Variants in ARID3A observed in about 807,000 individuals in gnomAD.
ARID3A encodes AT-rich interaction domain 3A.
ARID3A carries 11 observed loss-of-function variants against 52.7 expected under a neutral mutation model. The observed-to-expected ratio is 0.21, with a 90% CI of 0.13 to 0.35. The LOEUF (loss-of-function observed/expected upper bound fraction) is 0.35. ARID3A is among the 10% of genes least tolerant of loss of function. ARID3A has a pLI of 1.00. For missense variants in ARID3A, 721 were observed against 838.5 expected (o/e 0.86, Z 1.73); for synonymous variants, 404 against 359.4 (o/e 1.12, Z -1.40).
Position 929,027 on chromosome 19 carries a change from G to T in ARID3A, c.-267-235G>T, listed in dbSNP as rs577103752. ...AAGCAATAATCCAAGATCTCCTGGG[G>T]CAGACAGTCTGGCCACAGCGTGTTT... On this transcript the variant is annotated intron_variant, in intron 1 of 8. Transcript: ENST00000263620. The surrounding 1 kb of genome is among the most constrained non-coding windows in gnomAD (Gnocchi z 6.2). The T allele has an allele frequency of 6.5e-6, 1 of 153,682 alleles. No individual in the cohort carries two copies. Among genetic ancestry groups the T allele is most frequent in the Non-Finnish European group, 1.5e-5 (1 of 68,806 alleles). The allele number at this position is 153,682 out of a possible 1,614,324, so 9.5% of individuals were successfully genotyped here. A position where few individuals can be genotyped will look rare whatever the true frequency, so the allele number is the denominator to read the frequency against.
intron 3 of ARID3A, among the ~76,000 whole-genome samples, chr19:949,165 C>T (rs1282960103): frequency 1.3e-5 from 2 of 152,084 alleles, no homozygotes; most frequent in African/African-American, 2.4e-5. Flanking sequence ...CCCCTCCCTG[C>T]CTCAGTTCCC....
chr19:963,217 G>A (rs1007439859), intron 4 of ARID3A, among the ~76,000 whole-genome samples: 7 of 152,204 alleles, frequency 4.6e-5, no homozygotes, highest in Non-Finnish European at 1.0e-4. Context: ...CTAACAGGGC[G>A]ATGGGCGTCC....
At position 971,880 on chromosome 19, in the gene ARID3A, G is replaced by A. The variant is rs879114353; in HGVS notation, c.1597G>A (p.Val533Ile). 2 of 1,599,122 alleles carry A rather than the reference G, an allele frequency of 1.3e-6. No homozygotes were observed. Among genetic ancestry groups the A allele is most frequent in the East Asian group, 2.4e-5 (1 of 42,290 alleles). The change falls in exon 9 of 9, where the codon GTT (valine) becomes ATT (isoleucine). Residue 533 changes from valine to isoleucine, a missense_variant and splice_region_variant. Around this residue, in one of 5 missense-constraint regions of ARID3A, gnomAD observed 297 missense variants for 343.2 expected, o/e 0.87. Transcript: ENST00000263620. Reference protein sequence around the residue: ...VEINGIMYTGVLFAQPPAPTP... With the variant: ...VEINGIMYTGILFAQPPAPTP... The stretch of plus-strand genomic sequence containing the variant: ...TATGTCTTCTGTTCTTGCCTTAGGA[G>A]TTCTGTTTGCTCAGCCGCCGGCCCC...
chr19:939,038 C>T (rs1460835607), intron 3 of ARID3A, among the ~76,000 whole-genome samples: 4 of 149,782 alleles, frequency 2.7e-5, no homozygotes, highest in Non-Finnish European at 5.9e-5. Flanking sequence ...TCAAGTCATT[C>T]TCCTGCCTCA....
chr19:970,726 G>C (rs1229077868), intron 8 of ARID3A, among the ~76,000 whole-genome samples: 1 of 151,888 alleles, frequency 6.6e-6, no homozygotes, highest in African/African-American at 2.4e-5. Context: ...GCTGGTCTTG[G>C]CCTCCCAAAG....
At chr19:931,503 A>T (rs185603605) in intron 2 of ARID3A, among the ~76,000 whole-genome samples, 35 of 150,830 alleles carry the variant, frequency 2.3e-4, no homozygotes, top group Middle Eastern at 3.5e-3. Context: ...GAAGCAGGTG[A>T]TATCAGGTTG....
rs1474348817 is a variant in ARID3A, at chr19:947,737, G to GTTA, written c.694-12351_694-12349dup. On this transcript the variant is annotated intron_variant, in intron 3 of 8. Transcript: ENST00000263620. The surrounding 1 kb of genome is among the most constrained non-coding windows in gnomAD (Gnocchi z 6.3). ...CGCTTCATTGTCATTTCTGGAGAGT[G>GTTA]TTATTAATATCCGCCCCGTGGGTGC... 1.3e-5 allele frequency among the ~76,000 whole-genome samples: 2 copies of GTTA among 152,210 alleles called. No individual in the cohort carries two copies. Among genetic ancestry groups the GTTA allele is most frequent in the African/African-American group, 4.8e-5 (2 of 41,450 alleles).
At chr19:934,241 G>T (rs1327133015) in intron 3 of ARID3A, among the ~76,000 whole-genome samples, 1 of 152,134 alleles carries the variant, frequency 6.6e-6, no homozygotes, top group South Asian at 2.1e-4. Context: ...GTCCTTCGGG[G>T]GTCAGAGGTG....
intron 3 of ARID3A, among the ~76,000 whole-genome samples, chr19:940,377 G>A (rs1235328592): frequency 6.6e-6 from 1 of 152,066 alleles, no homozygotes. Flanking sequence ...AGCCGTCCTG[G>A]GCCGCGGGTC....
chr19:962,737 A>T (rs1336163339), intron 4 of ARID3A, among the ~76,000 whole-genome samples: 1 of 150,606 alleles, frequency 6.6e-6, no homozygotes, highest in Non-Finnish European at 1.5e-5. Flanking sequence ...CTGGTCTCGA[A>T]CTCCTGACCT....
In ARID3A at chr19:964,374, C is replaced by T; in HGVS notation, c.893C>T (p.Thr298Ile). 6.2e-7 allele frequency: 1 copy of T among 1,613,542 alleles called. No individual in the cohort carries two copies. The highest frequency in any genetic ancestry group is 8.5e-7 in the Non-Finnish European group (1 of 1,179,726). The change falls in exon 5 of 9, where the codon ACC (threonine) becomes ATC (isoleucine). Residue 298 changes from threonine (T) to isoleucine (I), a missense_variant. Physicochemically the swap from Thr to Ile is moderately conservative, Grantham distance 89. Around this residue, in one of 5 missense-constraint regions of ARID3A, gnomAD observed 43 missense variants for 143.7 expected, o/e 0.30. Transcript: ENST00000263620. The surrounding 1 kb of genome is among the most constrained non-coding windows in gnomAD (Gnocchi z 5.7). ...VINKKLWREI[T>I]KGLNLPTSIT... ...AACAAGAAGCTGTGGCGTGAGATCA[C>T]CAAGGGCCTCAACCTGCCCACGTCC...
rs559317746 is a variant in ARID3A, at chr19:939,338, C to T, written c.693+6596C>T. Among the ~76,000 whole-genome samples, 22 of 152,164 alleles carry T rather than the reference C, an allele frequency of 1.4e-4. No homozygotes were observed. The South Asian group carries it at 1.9e-3, about 13-fold the overall frequency. ...TTCACCATGTTGCCCAGGGTGGTCT[C>T]GTATTCCTGACCTCGTGATCTGCCC... On this transcript the variant is annotated intron_variant, in intron 3 of 8. Transcript: ENST00000263620.
At chr19:968,044 C>CAAA (rs34215155) in intron 7 of ARID3A, among the ~76,000 whole-genome samples, 2 of 123,526 alleles carry the variant, frequency 1.6e-5, no homozygotes, top group African/African-American at 6.3e-5. Flanking sequence ...GACTCCGTCT[C>CAAA]AAAAAAAAAA....
In ARID3A at chr19:932,610, C is replaced by A; in HGVS notation, c.561C>A (p.Gly187=). 6.6e-7 allele frequency: 1 copy of A among 1,519,634 alleles called. No individual in the cohort carries two copies. The highest frequency in any genetic ancestry group is 1.4e-5 in the African/African-American group (1 of 71,064). The allele number at this position is 1,519,634 out of a possible 1,614,324, so 94.1% of individuals were successfully genotyped here. The part of the protein sequence containing the change: ...AQPPQAFRGD[G]VPRVLGGQER... ...CACCCCAGGCCTTCCGCGGCGATGG[C>A]GTTCCCAGGGTGCTGGGGGGCCAGG... The change falls in exon 3 of 9, where the codon GGC becomes GGA. Residue 187 remains glycine (G), a synonymous_variant. Transcript: ENST00000263620.
intron 2 of ARID3A, among the ~76,000 whole-genome samples, chr19:930,447 G>A (rs1166961384): frequency 4.6e-5 from 7 of 151,000 alleles, no homozygotes; most frequent in Admixed American, 1.3e-4. Context: ...AGCTACTCGG[G>A]AGGCTGAGGC....
Position 932,668 on chromosome 19 carries a change from G to T in ARID3A, c.619G>T (p.Gly207Trp). ...GGGGCCTGGCCCTGCCCACCCCGGA[G>T]GGGCCGCCCACGTAGCCCCGCAGCT... ...RPGPGPAHPGGAAHVAPQLQP... is the reference protein window; with the variant it reads ...RPGPGPAHPGWAAHVAPQLQP... The change falls in exon 3 of 9, where the codon GGG (glycine) becomes TGG (tryptophan). Residue 207 changes from glycine (G) to tryptophan (W), a missense_variant. This residue lies in a region of ARID3A where 349 missense variants were observed against 297.3 expected (regional missense o/e 1.17). Coordinates refer to ENST00000263620, the MANE Select transcript of ARID3A (RefSeq NM_005224.3). 6.5e-7 allele frequency: 1 copy of T among 1,545,770 alleles called. No individual in the cohort carries two copies.
intron 3 of ARID3A, among the ~76,000 whole-genome samples, chr19:935,400 T>C (rs2145365658): frequency 6.6e-6 from 1 of 152,272 alleles, no homozygotes; most frequent in South Asian, 2.1e-4. Context: ...TCCTGATGTC[T>C]GACGTAGCCT....
At chr19:945,089 C>A (rs2238574) in intron 3 of ARID3A, among the ~76,000 whole-genome samples, 40,951 of 152,100 alleles carry the variant, frequency 0.27, 6,380 homozygotes, top group East Asian at 0.47. Context: ...TCGTGGGGGC[C>A]CTTGGACCTG....
Position 934,818 on chromosome 19 carries a change from G to C in ARID3A, c.693+2076G>C, listed in dbSNP as rs188579880. ...AGAAGGGCTTTCACGGTGTTGCCCAGGTTGGTCTCAAACTCCTGGGCTCAA... is the reference window on the plus strand; with the variant it reads ...AGAAGGGCTTTCACGGTGTTGCCCACGTTGGTCTCAAACTCCTGGGCTCAA... On this transcript the variant is annotated intron_variant, in intron 3 of 8. Coordinates refer to ENST00000263620, the MANE Select transcript of ARID3A (RefSeq NM_005224.3). Among the ~76,000 whole-genome samples, 412 of 152,254 alleles carry C rather than the reference G, an allele frequency of 2.7e-3. 2 individuals are homozygous for C. Among genetic ancestry groups the C allele is most frequent in the Non-Finnish European group, 3.1e-3 (210 of 68,006 alleles).
Sources: allele counts gnomAD v4.1 joint callset (sites outside exome capture counted in the v4.1 genomes callset), GRCh38; gene constraint gnomAD v4.1.1; regional missense constraint gnomAD v4.1.1; non-coding constraint Gnocchi (gnomAD v3.1); transcripts MANE v1.5; gene names NCBI Gene and HGNC (gene_info 2026-07-23, HGNC 2026-07-21).